CALN1: variants seen among roughly 807,000 people sequenced by gnomAD.
CALN1 encodes calcium-binding protein 8.
A neutral mutation model predicts 30.6 loss-of-function variants in CALN1; 17 were observed. The ratio of observed to expected loss-of-function variants is 0.56; its 90% CI spans 0.38 to 0.83. The LOEUF is 0.83. Among genes scored for constraint, CALN1 ranks in the 40% least tolerant of loss-of-function variants. The pLI is 0.00. For missense variants in CALN1, 291 were observed against 354.9 expected (o/e 0.82, Z 1.45); for synonymous variants, 156 against 131.4 (o/e 1.19, Z -1.28).
intron 5 of CALN1, among the ~76,000 whole-genome samples, chr7:71,836,627 T>C (rs1413061436): frequency 1.3e-5 from 2 of 150,784 alleles, no homozygotes; most frequent in Non-Finnish European, 3.0e-5. Flanking sequence ...TGTCTCTTTT[T>C]TTTTTTTTTT....
At chr7:72,165,329 C>T (rs1036505100) in intron 3 of CALN1, among the ~76,000 whole-genome samples, 2 of 152,060 alleles carry the variant, frequency 1.3e-5, no homozygotes, top group African/African-American at 2.4e-5. Flanking sequence ...GAAGCCGAGG[C>T]GGGCAGATCA....
At chr7:71,863,573 A>G (rs1287915230) in intron 5 of CALN1, among the ~76,000 whole-genome samples, 16 of 144,066 alleles carry the variant, frequency 1.1e-4, no homozygotes, top group African/African-American at 4.6e-4. Flanking sequence ...AAAAAAAAAA[A>G]AAAAAAAAAA....
the CALN1 span, among the ~76,000 whole-genome samples, chr7:72,463,618 A>G: frequency 6.6e-6 from 1 of 152,144 alleles, no homozygotes; most frequent in Non-Finnish European, 1.5e-5. Context: ...GGAGTGCAGC[A>G]GTGCAATCAC....
At chr7:71,876,629 G>A (rs1168068072) in intron 5 of CALN1, among the ~76,000 whole-genome samples, 1 of 152,086 alleles carries the variant, frequency 6.6e-6, no homozygotes, top group African/African-American at 2.4e-5. Flanking sequence ...GTAAGGGGGG[G>A]AGAATGTGAT....
intron 3 of CALN1, among the ~76,000 whole-genome samples, chr7:72,269,787 T>C (rs910619612): frequency 6.6e-6 from 1 of 152,212 alleles, no homozygotes; most frequent in Non-Finnish European, 1.5e-5. Flanking sequence ...AGTCAAATAT[T>C]CACAGGCATG....
intron 2 of CALN1, among the ~76,000 whole-genome samples, chr7:72,358,746 C>G (rs1017587468): frequency 2.6e-5 from 4 of 151,890 alleles, no homozygotes; most frequent in Non-Finnish European, 5.9e-5. Flanking sequence ...GTTAGGAGTT[C>G]GAGACAAGCG....
chr7:72,147,392 A>C (rs1251585406), intron 3 of CALN1, among the ~76,000 whole-genome samples: 4 of 151,726 alleles, frequency 2.6e-5, no homozygotes, highest in Non-Finnish European at 2.9e-5. Flanking sequence ...CCATCAGAGA[A>C]ATGCAAATCA....
intron 2 of CALN1, among the ~76,000 whole-genome samples, chr7:72,333,142 A>G (rs1801784868): frequency 6.6e-6 from 1 of 152,172 alleles, no homozygotes. Context: ...CTGCACCAGA[A>G]TACCCATGAA....
upstream of CALN1, among the ~76,000 whole-genome samples, chr7:72,448,535 T>C (rs1446525992): frequency 1.3e-5 from 2 of 152,132 alleles, no homozygotes; most frequent in Non-Finnish European, 2.9e-5. Context: ...CAATAGCTCA[T>C]TGCACTTGGC....
intron 5 of CALN1, among the ~76,000 whole-genome samples, chr7:72,015,558 G>C (rs763907405): frequency 6.6e-6 from 1 of 151,810 alleles, no homozygotes; most frequent in Non-Finnish European, 1.5e-5. Context: ...CCTCACCTCA[G>C]CCTCCAGAAT....
At chr7:71,882,247 T>C (rs1356035297) in intron 5 of CALN1, among the ~76,000 whole-genome samples, 3 of 152,198 alleles carry the variant, frequency 2.0e-5, no homozygotes, top group Non-Finnish European at 2.9e-5. Flanking sequence ...GCATCTCCTG[T>C]TCTCTCTGAC....
At chr7:72,399,717 C>T (rs181736037) in intron 2 of CALN1, among the ~76,000 whole-genome samples, 4 of 152,292 alleles carry the variant, frequency 2.6e-5, no homozygotes, top group African/African-American at 7.2e-5. Context: ...ATAAGACATA[C>T]ATCTAATAGC....
chr7:72,145,624 A>C (rs375607097), intron 3 of CALN1, among the ~76,000 whole-genome samples: 1 of 152,100 alleles, frequency 6.6e-6, no homozygotes, highest in Non-Finnish European at 1.5e-5. Context: ...CATTTTATGA[A>C]GCCAGCATCA....
chr7:72,012,464 G>T (rs1800135398), intron 5 of CALN1, among the ~76,000 whole-genome samples: 1 of 152,156 alleles, frequency 6.6e-6, no homozygotes, highest in Non-Finnish European at 1.5e-5. Flanking sequence ...GTGAGCCGAG[G>T]TCGTGCCACT....
chr7:71,964,456 A>G (rs1797430545), intron 5 of CALN1, among the ~76,000 whole-genome samples: 2 of 152,172 alleles, frequency 1.3e-5, no homozygotes, highest in African/African-American at 4.8e-5. Flanking sequence ...GGCTTTCTGT[A>G]TCCTGGGTTC....
intron 2 of CALN1, among the ~76,000 whole-genome samples, chr7:72,382,951 G>A (rs1367890625): frequency 6.6e-6 from 1 of 152,104 alleles, no homozygotes; most frequent in African/African-American, 2.4e-5. Context: ...TCTACGCCCA[G>A]CTAATTTTTG....
At chr7:72,276,341 C>T (rs1414924992) in intron 3 of CALN1, among the ~76,000 whole-genome samples, 1 of 152,206 alleles carries the variant, frequency 6.6e-6, no homozygotes, top group African/African-American at 2.4e-5. Context: ...GGCCTCACTT[C>T]ACCTCCCAAA....
chr7:71,869,711 A>G (rs1791807589), intron 5 of CALN1, among the ~76,000 whole-genome samples: 1 of 152,202 alleles, frequency 6.6e-6, no homozygotes, highest in African/African-American at 2.4e-5. Flanking sequence ...TTGGAACATA[A>G]TGTATATATC....
At chr7:72,408,896 T>C (rs1185027224) in intron 1 of CALN1, among the ~76,000 whole-genome samples, 1 of 151,914 alleles carries the variant, frequency 6.6e-6, no homozygotes, top group East Asian at 1.9e-4. Context: ...CAGGTTGGTC[T>C]CAAACTCTTG....
Sources: allele counts gnomAD v4.1 joint callset (sites outside exome capture counted in the v4.1 genomes callset), GRCh38; gene constraint gnomAD v4.1.1; transcripts MANE v1.5; gene names NCBI Gene and HGNC (gene_info 2026-07-23, HGNC 2026-07-21).